The following LMOD3 variants were observed in gnomAD, a reference collection of about 807,000 sequenced individuals.
LMOD3 encodes the protein leiomodin 3.
Under a neutral mutation model 41.8 loss-of-function variants are expected in LMOD3, and 31 were observed. That is an observed-to-expected ratio of 0.74 (90% CI 0.56 to 1.00). The LOEUF is 1.00. Among genes scored for constraint, LMOD3 ranks in the 50% least tolerant of loss-of-function variants. LMOD3 has a pLI of 0.00. For missense variants in LMOD3, 755 were observed against 679.5 expected (o/e 1.11, Z -1.23); for synonymous variants, 292 against 241.9 (o/e 1.21, Z -1.92).
chr3:69,110,372 G>C (rs946876331), intron 2 of LMOD3, among the ~76,000 whole-genome samples: 1 of 151,794 alleles, frequency 6.6e-6, no homozygotes, highest in Non-Finnish European at 1.5e-5. Flanking sequence ...TGGGACTACA[G>C]GTGCATGCCA....
chr3:69,117,009 T>C (rs2107524623), intron 2 of LMOD3, among the ~76,000 whole-genome samples: 1 of 152,362 alleles, frequency 6.6e-6, no homozygotes, highest in Non-Finnish European at 1.5e-5. Flanking sequence ...TGAATATTCT[T>C]TGCCAATGAC....
intron 2 of LMOD3, among the ~76,000 whole-genome samples, chr3:69,116,357 G>A (rs1405590377): frequency 6.6e-6 from 1 of 152,226 alleles, no homozygotes; most frequent in Non-Finnish European, 1.5e-5. Context: ...GCAACTGAAG[G>A]CAGGAGAAAT....
rs1483897252 is a variant in LMOD3 at position 69,106,501 on chromosome 3, T to C, written c.*2594A>G. 6.6e-6 allele frequency among the ~76,000 whole-genome samples: 1 copy of C among 152,138 alleles called. No homozygotes were observed. The highest frequency in any genetic ancestry group is 1.5e-5 in the Non-Finnish European group (1 of 68,034). On this transcript the variant is annotated 3_prime_UTR_variant, in exon 3 of 3. Transcript: ENST00000420581. ...TGCAACTAAGATCTTTAGGGTTGGG[T>C]GGTAGAAAAAGCATAATGTGAACTG...
At chr3:69,121,721 G>A (rs1203696742) in intron 1 of LMOD3, among the ~76,000 whole-genome samples, 1 of 152,172 alleles carries the variant, frequency 6.6e-6, no homozygotes, top group Non-Finnish European at 1.5e-5. Flanking sequence ...AGAGGCTACA[G>A]AGCTGTCATT....
chr3:69,118,957 A>G lies in LMOD3; in HGVS notation c.1398T>C (p.Ser466=). The change falls in exon 2 of 3, where the codon AGT becomes AGC. Residue 466 remains serine, a synonymous_variant. Transcript: ENST00000420581. ...CCTGCGATGGCTTTTTCATCATTTCACTGCGTTGACTAAAGGGGACATTTT... is the reference window on the plus strand; with the variant it reads ...CCTGCGATGGCTTTTTCATCATTTCGCTGCGTTGACTAAAGGGGACATTTT... The part of the protein sequence containing the change: ...NPQNVPFSQR[S]EMMKKPSQAP... 1 of 1,612,294 alleles carries G rather than the reference A, an allele frequency of 6.2e-7. No individual in the cohort carries two copies. Among genetic ancestry groups the G allele is most frequent in the Non-Finnish European group, 8.5e-7 (1 of 1,179,594 alleles).
Position 69,122,507 on chromosome 3 carries a change from T to G in LMOD3, c.-121A>C. On this transcript the variant is annotated 5_prime_UTR_variant, in exon 1 of 3. Coordinates refer to ENST00000420581, the MANE Select transcript of LMOD3 (RefSeq NM_198271.5). ...CGAGTGTCCCAAGTTAACACACCCT[T>G]GAGATATTTTTTTTTTTTTCCCAGG... The G allele has an allele frequency of 1.3e-6, 1 of 758,102 alleles. No individual in the cohort carries two copies. The allele number at this position is 758,102 out of a possible 1,614,324, so 47.0% of individuals were successfully genotyped here. A position where few individuals can be genotyped will look rare whatever the true frequency, so the allele number is the denominator to read the frequency against.
intron 2 of LMOD3, among the ~76,000 whole-genome samples, chr3:69,113,119 T>G (rs529252461): frequency 6.6e-6 from 1 of 152,118 alleles, no homozygotes; most frequent in African/African-American, 2.4e-5. Context: ...GTCCTAAAAA[T>G]GGGGGAGGAG....
At chr3:69,116,428 A>C (rs2092373390) in intron 2 of LMOD3, among the ~76,000 whole-genome samples, 1 of 152,234 alleles carries the variant, frequency 6.6e-6, no homozygotes, top group Non-Finnish European at 1.5e-5. Context: ...CAAGATTGTC[A>C]TTCAAAAAGC....
intron 2 of LMOD3, among the ~76,000 whole-genome samples, chr3:69,111,137 C>T (rs1424151744): frequency 4.6e-5 from 7 of 152,076 alleles, no homozygotes; most frequent in Non-Finnish European, 7.3e-5. Context: ...CCCTGTATTG[C>T]TAATGTCCAC....
chr3:69,119,034 A>G lies in LMOD3; in HGVS notation c.1321T>C (p.Ser441Pro). ...GGCTGGAAGAATTCCTGCATTCTGG[A>G]ATCTGGCTTGGGTCCTCCCAACAGC... is the stretch of plus-strand genomic sequence containing the variant. Reference protein sequence around the residue: ...WELLGGPKPDSRMQEFFQPPP... With the variant: ...WELLGGPKPDPRMQEFFQPPP... The change falls in exon 2 of 3, where the codon TCC becomes CCC. Residue 441 changes from serine (S) to proline (P), a missense_variant. Ser to Pro is a moderately conservative substitution (Grantham distance 74). Coordinates refer to ENST00000420581, the MANE Select transcript of LMOD3 (RefSeq NM_198271.5). 6.2e-7 allele frequency: 1 copy of G among 1,613,512 alleles called. No individual in the cohort carries two copies. The highest frequency in any genetic ancestry group is 2.2e-5 in the East Asian group (1 of 44,858).
intron 1 of LMOD3, 90 bp downstream of exon 1, chr3:69,122,003 T>C: frequency 9.4e-7 from 1 of 1,068,484 alleles, no homozygotes; most frequent in Non-Finnish European, 1.3e-6. Flanking sequence ...AACCAAACCC[T>C]GGAGTCTTGA....
intron 2 of LMOD3, among the ~76,000 whole-genome samples, chr3:69,117,602 CTT>C (rs531438865): frequency 1.9e-4 from 29 of 152,136 alleles, no homozygotes; most frequent in Non-Finnish European, 3.8e-4. Context: ...CGGAAAATAA[CTT>C]TTCCACTCGG....
chr3:69,115,678 C>A (rs539115670), intron 2 of LMOD3, among the ~76,000 whole-genome samples: 1 of 152,238 alleles, frequency 6.6e-6, no homozygotes, highest in East Asian at 1.9e-4. Flanking sequence ...ATCCCCAAAA[C>A]CCTTCATTTC....
chr3:69,114,663 A>G (rs983040968), intron 2 of LMOD3, among the ~76,000 whole-genome samples: 1 of 151,946 alleles, frequency 6.6e-6, no homozygotes, highest in Non-Finnish European at 1.5e-5. Context: ...GAGCACCACC[A>G]CACCCGAATA....
In LMOD3 at chr3:69,119,734, T is replaced by A; in HGVS notation, c.621A>T (p.Glu207Asp). The change falls in exon 2 of 3, where the codon GAA (glutamate) becomes GAT (aspartate). Residue 207 changes from glutamate (E) to aspartate (D), a missense_variant. Glu to Asp is a conservative substitution (Grantham distance 45). Transcript: ENST00000420581. ...KEQRDRPEAQ[E>D]QSEKKISKLD... ...ATTTCGATATTTTTTTCTCACTTTG[T>A]TCTTGGGCCTCTGGTCTGTCTCTCT... The A allele has an allele frequency of 6.2e-7, 1 of 1,613,968 alleles. No homozygotes were observed. Among genetic ancestry groups the A allele is most frequent in the Non-Finnish European group, 8.5e-7 (1 of 1,179,868 alleles).
chr3:69,114,671 A>T (rs1231549821), intron 2 of LMOD3, among the ~76,000 whole-genome samples: 1 of 151,698 alleles, frequency 6.6e-6, no homozygotes, highest in Non-Finnish European at 1.5e-5. Context: ...CCACACCCGA[A>T]TATTTTTGTA....
At chr3:69,113,203 A>G in intron 2 of LMOD3, among the ~76,000 whole-genome samples, 1 of 152,220 alleles carries the variant, frequency 6.6e-6, no homozygotes, top group East Asian at 1.9e-4. Flanking sequence ...AATGGAGATA[A>G]GACAGAAAAC....
chr3:69,115,480 T>TCAAACA (rs1553687385), intron 2 of LMOD3, among the ~76,000 whole-genome samples: 1 of 125,034 alleles, frequency 8.0e-6, no homozygotes, highest in African/African-American at 3.8e-5. Context: ...AGATCCTGCC[T>TCAAACA]CAAACACACA....
intron 2 of LMOD3, among the ~76,000 whole-genome samples, chr3:69,117,234 T>G (rs541753271): frequency 2.0e-5 from 3 of 152,180 alleles, no homozygotes; most frequent in Admixed American, 6.5e-5. Flanking sequence ...AAATCATAGA[T>G]GAAAGTCAGC....
Sources: gnomAD v4.1 joint callset for allele counts (sites outside exome capture counted in the v4.1 genomes callset) on GRCh38, gnomAD v4.1.1 for gene constraint, MANE v1.5 for transcripts, NCBI Gene and HGNC (gene_info 2026-07-23, HGNC 2026-07-21) for gene names.